Variants in SPG11 observed in about 807,000 individuals in gnomAD.
SPG11 encodes the protein SPG11 vesicle trafficking associated, spatacsin.
A neutral mutation model predicts 274.0 loss-of-function variants in SPG11; 222 were observed. The observed-to-expected ratio is 0.81, with a 90% CI of 0.73 to 0.91. The LOEUF is 0.91. Ranked by LOEUF, SPG11 falls within the 40% of genes least tolerant of loss-of-function variation. The pLI is 0.00. For synonymous variants in SPG11, 1,144 were observed against 1,039.7 expected (o/e 1.10, Z -1.93); for missense variants, 3,114 against 2,872.7 (o/e 1.08, Z -1.92).
At chr15:44,646,324 A>C (rs2084609896) in intron 7 of SPG11, among the ~76,000 whole-genome samples, 1 of 152,186 alleles carries the variant, frequency 6.6e-6, no homozygotes, top group South Asian at 2.1e-4. Context: ...AGGGAGGTTT[A>C]ATTGACTCAC....
In SPG11 at chr15:44,576,101, C is replaced by T. The variant is rs1220111005; in HGVS notation, c.5867-1060G>A. On this transcript the variant is annotated intron_variant, in intron 30 of 39. Transcript: ENST00000261866. ...AGGTTGCGGTGAGCCGAGATTGTGC[C>T]ATTGCACTCCAGCCTGGGCAACAAG... Among the ~76,000 whole-genome samples the T allele has an allele frequency of 2.9e-5, 4 of 137,724 alleles. No homozygotes were observed. In the East Asian group the frequency reaches 8.9e-4, roughly 31 times the overall value. 90.4% of individuals were successfully genotyped at this position (137,724 alleles called of 152,430 possible).
At chr15:44,647,880 TA>T (rs1420286672) in intron 7 of SPG11, among the ~76,000 whole-genome samples, 1 of 152,222 alleles carries the variant, frequency 6.6e-6, no homozygotes, top group Non-Finnish European at 1.5e-5. Context: ...TTGTACATTT[TA>T]AAAGGGTGAA....
chr15:44,634,171 TA>T (rs2084168499), intron 7 of SPG11, among the ~76,000 whole-genome samples: 1 of 152,132 alleles, frequency 6.6e-6, no homozygotes, highest in Non-Finnish European at 1.5e-5. Flanking sequence ...AGGAGGTTAT[TA>T]GACTACAAAA....
At chr15:44,586,813 A>T (rs2082775289) in intron 28 of SPG11, among the ~76,000 whole-genome samples, 1 of 152,138 alleles carries the variant, frequency 6.6e-6, no homozygotes, top group African/African-American at 2.4e-5. Flanking sequence ...ACCTTGATCA[A>T]ATTTGTCTGA....
At chr15:44,573,357 G>A in intron 32 of SPG11, 190 bp downstream of exon 32, 1 of 661,682 alleles carries the variant, frequency 1.5e-6, no homozygotes, top group Non-Finnish European at 2.7e-6. Flanking sequence ...GCAACAGCAT[G>A]TATTTTGTAC....
intron 32 of SPG11, 154 bp downstream of exon 32, chr15:44,573,393 G>A (rs560690216): frequency 5.3e-6 from 4 of 753,952 alleles, no homozygotes; most frequent in Non-Finnish European, 9.3e-6. Context: ...AATAAAGCAT[G>A]TATTTTGTTT....
intron 30 of SPG11, among the ~76,000 whole-genome samples, chr15:44,575,740 T>C (rs140291489): frequency 2.0e-4 from 30 of 152,230 alleles, no homozygotes; most frequent in Non-Finnish European, 4.1e-4. Flanking sequence ...ACTGATGCAT[T>C]TGCCTCGACT....
At position 44,648,907 on chromosome 15, in the gene SPG11, T is replaced by C. The variant is rs770720509; in HGVS notation, c.1561A>G (p.Asn521Asp). 3.7e-5 allele frequency: 60 copies of C among 1,613,196 alleles called. 1 individual carries two copies. The highest frequency in any genetic ancestry group is 4.7e-5 in the Non-Finnish European group (56 of 1,179,314). ...ASTVDTLCHL[N>D]GWGRCSIPIH... ...GGAATTGAGCACCTTCCCCAGCCAT[T>C]GAGATGACAAAGAGTGTCCACAGTG... Residue 521 changes from asparagine to aspartate, a missense_variant, in exon 7 of 40, where the codon AAT (asparagine) becomes GAT (aspartate). Asn to Asp is a conservative substitution (Grantham distance 23). Coordinates refer to ENST00000261866, the MANE Select transcript of SPG11 (RefSeq NM_025137.4).
chr15:44,580,208 A>T (rs2082631845), intron 30 of SPG11, among the ~76,000 whole-genome samples: 1 of 152,220 alleles, frequency 6.6e-6, no homozygotes, highest in Admixed American at 6.5e-5. Flanking sequence ...ATTGTGTTAT[A>T]ATCAACTACA....
At chr15:44,624,429 AAGAC>A (rs2083841403) in intron 11 of SPG11, among the ~76,000 whole-genome samples, 2 of 152,184 alleles carry the variant, frequency 1.3e-5, no homozygotes, top group Admixed American at 1.3e-4. Flanking sequence ...CAGACAAAGA[AAGAC>A]AAATTCTTCA....
chr15:44,641,271 T>A (rs370445601), intron 7 of SPG11, among the ~76,000 whole-genome samples: 2 of 152,004 alleles, frequency 1.3e-5, no homozygotes, highest in African/African-American at 2.4e-5. Context: ...TTAAAAAAAA[T>A]TCATAATTGA....
chr15:44,574,648 G>GA (rs1242686651), intron 31 of SPG11, among the ~76,000 whole-genome samples: 2 of 152,158 alleles, frequency 1.3e-5, no homozygotes, highest in Non-Finnish European at 2.9e-5. Context: ...TATAGATGAC[G>GA]AAACAGGGGC....
At chr15:44,603,249 A>G (rs2083241211) in intron 20 of SPG11, among the ~76,000 whole-genome samples, 3 of 151,900 alleles carry the variant, frequency 2.0e-5, no homozygotes, top group Admixed American at 1.3e-4. Context: ...CTTGACCCTT[A>G]TCTTCTATAC....
intron 7 of SPG11, among the ~76,000 whole-genome samples, chr15:44,637,199 A>C (rs1207063592): frequency 6.6e-6 from 1 of 152,170 alleles, no homozygotes; most frequent in Admixed American, 6.5e-5. Flanking sequence ...AGATATGAAG[A>C]AATTATCCAC....
At chr15:44,645,029 T>C (rs2084565778) in intron 7 of SPG11, among the ~76,000 whole-genome samples, 1 of 152,202 alleles carries the variant, frequency 6.6e-6, no homozygotes, top group African/African-American at 2.4e-5. Context: ...GCTATTCCTA[T>C]CAAACTACCA....
intron 28 of SPG11, among the ~76,000 whole-genome samples, chr15:44,586,063 C>A (rs1024434412): frequency 1.4e-5 from 2 of 143,810 alleles, no homozygotes; most frequent in African/African-American, 2.6e-5. Flanking sequence ...CCGCTCGCTG[C>A]AACCTGCACC....
At chr15:44,577,502 C>CAAAAAAAA in intron 30 of SPG11, among the ~76,000 whole-genome samples, 1 of 91,686 alleles carries the variant, frequency 1.1e-5, no homozygotes, top group Non-Finnish European at 2.1e-5. Context: ...GGCCCTATCT[C>CAAAAAAAA]AAAAAAAAAA....
rs147713329 is a variant in SPG11, at chr15:44,573,661, G to C, written c.6091C>G (p.Arg2031Gly). ...ATGAAGGCCTGGGCTCGTTTGCATC[G>C]GTCAGGCTGCTGAGAGGCCAAGATT... ...RKILASQQPD[R>G]CKRAQAFIST... is the part of the protein sequence containing the mutation. The change falls in exon 32 of 40, where the codon CGA becomes GGA. Residue 2031 changes from arginine to glycine, a missense_variant. Arg to Gly is a moderately radical substitution (Grantham distance 125). Coordinates refer to ENST00000261866, the MANE Select transcript of SPG11 (RefSeq NM_025137.4). 11 of 1,614,040 alleles carry C rather than the reference G, an allele frequency of 6.8e-6. No individual in the cohort carries two copies. In the African/African-American group the frequency reaches 8.0e-5, roughly 12 times the overall value.
At chr15:44,585,131 T>C (rs1473117725) in intron 29 of SPG11, among the ~76,000 whole-genome samples, 2 of 152,130 alleles carry the variant, frequency 1.3e-5, no homozygotes, top group African/African-American at 4.8e-5. Flanking sequence ...AATGTTACAT[T>C]TGCAGCACAC....
Sources: gnomAD v4.1 joint callset for allele counts (sites outside exome capture counted in the v4.1 genomes callset) on GRCh38, gnomAD v4.1.1 for gene constraint, MANE v1.5 for transcripts, NCBI Gene and HGNC (gene_info 2026-07-23, HGNC 2026-07-21) for gene names.